The following LHFPL3 variants were observed in gnomAD, a reference collection of about 807,000 sequenced individuals.
LHFPL3 encodes the protein LHFPL tetraspan subfamily member 3, also known as LHFPL tetraspan subfamily member 3 protein.
Under a neutral mutation model 19.3 loss-of-function variants are expected in LHFPL3, and 5 were observed. The ratio of observed to expected loss-of-function variants is 0.26; its 90% CI spans 0.14 to 0.54. The LOEUF is 0.54. Ranked by LOEUF, LHFPL3 falls within the 20% of genes least tolerant of loss-of-function variation. The probability of loss-of-function intolerance (pLI) is 0.94; values close to 1 mark genes in which losing one functional copy is unlikely to be tolerated. For synonymous variants in LHFPL3, 133 were observed against 126.2 expected (o/e 1.05, Z -0.36); for missense variants, 249 against 307.4 (o/e 0.81, Z 1.42).
At chr7:104,859,593 C>T (rs749448009) in intron 2 of LHFPL3, among the ~76,000 whole-genome samples, 18 of 152,006 alleles carry the variant, frequency 1.2e-4, no homozygotes, top group Non-Finnish European at 1.8e-4. Context: ...CACTTGAACC[C>T]GGAAGGCGGA....
rs1171868408 is a variant in LHFPL3, at chr7:104,614,597, T to TCTTCC, written c.446-122074_446-122073insCCTTC. Among the ~76,000 whole-genome samples, 10 of 109,584 alleles carry TCTTCC rather than the reference T, an allele frequency of 9.1e-5. No individual in the cohort carries two copies. The South Asian group carries it at 3.7e-3, about 41-fold the overall frequency. The allele number at this position is 109,584 out of a possible 152,430, so 71.9% of individuals were successfully genotyped here. A position where few individuals can be genotyped will look rare whatever the true frequency, so the allele number is the denominator to read the frequency against. ...GCCTCCTCTTCTCTTCTCTCTCTTC[T>TCTTCC]CTTCTCTTCTCTTCTCTTCTCTTCT... is the stretch of plus-strand genomic sequence containing the variant. On this transcript the variant is annotated intron_variant, in intron 1 of 2. Transcript: ENST00000424859.
chr7:104,627,974 C>T (rs761877956), intron 1 of LHFPL3, among the ~76,000 whole-genome samples: 9 of 152,146 alleles, frequency 5.9e-5, no homozygotes, highest in Non-Finnish European at 1.0e-4. Context: ...CAGAAAATAT[C>T]TGTAAATATG....
chr7:104,470,430 A>G (rs1413340154), intron 1 of LHFPL3, among the ~76,000 whole-genome samples: 3 of 152,176 alleles, frequency 2.0e-5, no homozygotes, highest in Non-Finnish European at 4.4e-5. Flanking sequence ...ACAGGATTTT[A>G]AAGCATTTGT....
intron 2 of LHFPL3, among the ~76,000 whole-genome samples, chr7:104,774,328 A>G (rs183564148): frequency 6.6e-6 from 1 of 152,348 alleles, no homozygotes; most frequent in African/African-American, 2.4e-5. Context: ...TAAGTCTTCT[A>G]CATACATTAT....
chr7:104,333,753 T>C (rs556425149), intron 1 of LHFPL3, among the ~76,000 whole-genome samples: 1 of 152,374 alleles, frequency 6.6e-6, no homozygotes, highest in East Asian at 1.9e-4. Flanking sequence ...TGTTTTCTTA[T>C]AGATCTCATT....
intron 1 of LHFPL3, among the ~76,000 whole-genome samples, chr7:104,543,903 T>TATAATA (rs199906129): frequency 0.018 from 2,602 of 145,374 alleles, 53 homozygotes; most frequent in African/African-American, 0.049. Flanking sequence ...TACCCCAAAA[T>TATAATA]ATAATAATAA....
intron 2 of LHFPL3, among the ~76,000 whole-genome samples, chr7:104,861,335 A>AT (rs898625032): frequency 1.3e-5 from 2 of 152,122 alleles, no homozygotes; most frequent in African/African-American, 4.8e-5. Flanking sequence ...ACATTTAACT[A>AT]TTTTTTCTCA....
intron 2 of LHFPL3, among the ~76,000 whole-genome samples, chr7:104,792,753 C>T (rs1790049583): frequency 6.6e-6 from 1 of 152,166 alleles, no homozygotes; most frequent in African/African-American, 2.4e-5. Context: ...AATTCTGCAT[C>T]TACTTATCTT....
At chr7:104,454,426 G>A (rs1372428445) in intron 1 of LHFPL3, among the ~76,000 whole-genome samples, 1 of 152,178 alleles carries the variant, frequency 6.6e-6, no homozygotes, top group Middle Eastern at 3.2e-3. Context: ...TGGTCACTCA[G>A]AATTAGGATT....
chr7:104,346,666 T>C (rs1177461405), intron 1 of LHFPL3, among the ~76,000 whole-genome samples: 1 of 129,612 alleles, frequency 7.7e-6, no homozygotes, highest in Non-Finnish European at 1.6e-5. Flanking sequence ...TGTAGTGTAG[T>C]AGATTTCTCT....
intron 2 of LHFPL3, among the ~76,000 whole-genome samples, chr7:104,818,780 TTCTCTCTC>T (rs147373563): frequency 6.7e-6 from 1 of 148,338 alleles, no homozygotes; most frequent in Non-Finnish European, 1.5e-5. Context: ...CCTTTCTCCT[TTCTCTCTC>T]TCTCTCTCTC....
intron 1 of LHFPL3, among the ~76,000 whole-genome samples, chr7:104,618,126 AG>A (rs1418894115): frequency 1.3e-5 from 2 of 152,228 alleles, no homozygotes; most frequent in African/African-American, 4.8e-5. Flanking sequence ...GCAACACAAA[AG>A]AAGCCAAGAG....
intron 1 of LHFPL3, among the ~76,000 whole-genome samples, chr7:104,688,904 TA>T: frequency 6.6e-6 from 1 of 152,166 alleles, no homozygotes; most frequent in Middle Eastern, 3.4e-3. Flanking sequence ...GGAAGGAGCA[TA>T]AAAATGGATC....
chr7:104,486,599 C>T (rs1346944515), intron 1 of LHFPL3, among the ~76,000 whole-genome samples: 1 of 152,144 alleles, frequency 6.6e-6, no homozygotes, highest in African/African-American at 2.4e-5. Context: ...CTCCTAATAC[C>T]ATAACCCTGG....
chr7:104,549,510 T>C, intron 1 of LHFPL3, among the ~76,000 whole-genome samples: 1 of 149,282 alleles, frequency 6.7e-6, no homozygotes, highest in East Asian at 2.0e-4. Context: ...CACTGCATTA[T>C]AATTTGCTAT....
intron 1 of LHFPL3, among the ~76,000 whole-genome samples, chr7:104,455,283 G>C (rs1792517871): frequency 6.6e-6 from 1 of 152,156 alleles, no homozygotes; most frequent in Non-Finnish European, 1.5e-5. Flanking sequence ...GGTCTACAAC[G>C]TGCAAATTAG....
At chr7:104,689,226 G>A (rs749349119) in intron 1 of LHFPL3, among the ~76,000 whole-genome samples, 1 of 152,112 alleles carries the variant, frequency 6.6e-6, no homozygotes, top group African/African-American at 2.4e-5. Context: ...GGAATAATTG[G>A]ATCCCAAGGT....
intron 2 of LHFPL3, among the ~76,000 whole-genome samples, chr7:104,817,187 G>A (rs184750869): frequency 6.1e-4 from 93 of 152,288 alleles, no homozygotes; most frequent in Middle Eastern, 3.4e-3. Context: ...GCCAGTCTTC[G>A]TTATAATTTC....
Position 104,331,296 on chromosome 7 carries a change from A to G in LHFPL3, c.445+2072A>G, listed in dbSNP as rs1000028297. Among the ~76,000 whole-genome samples the G allele has an allele frequency of 4.6e-5, 7 of 152,204 alleles. No individual in the cohort carries two copies. In the East Asian group the frequency reaches 1.3e-3, roughly 29 times the overall value. ...GTTTATCCTGTTTTCCACGTCATGTAAAATGTGGGGATAGTTTTTGTACTA... is the reference window on the plus strand; with the variant it reads ...GTTTATCCTGTTTTCCACGTCATGTGAAATGTGGGGATAGTTTTTGTACTA... On this transcript the variant is annotated intron_variant, in intron 1 of 2. Transcript: ENST00000424859.
Sources: gnomAD v4.1 joint callset for allele counts (sites outside exome capture counted in the v4.1 genomes callset) on GRCh38, gnomAD v4.1.1 for gene constraint, MANE v1.5 for transcripts, NCBI Gene and HGNC (gene_info 2026-07-23, HGNC 2026-07-21) for gene names.